CYP46A1: variants seen among roughly 807,000 people sequenced by gnomAD.
CYP46A1 encodes cholesterol 24-hydroxylase.
Under a neutral mutation model 63.3 loss-of-function variants are expected in CYP46A1, and 20 were observed. That is an observed-to-expected ratio of 0.32 (90% CI 0.22 to 0.46). CYP46A1 has a LOEUF of 0.46. CYP46A1 is among the 20% of genes least tolerant of loss of function. The probability of loss-of-function intolerance (pLI) is 1.00; values close to 1 mark genes in which losing one functional copy is unlikely to be tolerated. For synonymous variants in CYP46A1, 268 were observed against 273.6 expected (o/e 0.98, Z 0.20); for missense variants, 445 against 670.8 (o/e 0.66, Z 3.72).
intron 7 of CYP46A1, chr14:99,709,665 G>T (rs928056340): frequency 1.3e-5 from 2 of 152,182 alleles, no homozygotes; most frequent in Non-Finnish European, 2.9e-5. Context: ...AAAAGATATA[G>T]ACATCCAGGT....
chr14:99,696,131 A>G (rs145252550), intron 3 of CYP46A1, among the ~76,000 whole-genome samples: 333 of 152,272 alleles, frequency 2.2e-3, no homozygotes, highest in African/African-American at 7.8e-3. Context: ...AATTATTGAT[A>G]TGGCTGTGTT....
intron 7 of CYP46A1, among the ~76,000 whole-genome samples, chr14:99,715,473 C>T (rs1007715354): frequency 2.6e-5 from 4 of 152,114 alleles, no homozygotes; most frequent in Non-Finnish European, 5.9e-5. Context: ...GTTGATCGCA[C>T]TCTACTTCCC....
intron 6 of CYP46A1, 43 bp downstream of exon 6, chr14:99,706,828 G>T (rs767885957): frequency 6.3e-7 from 1 of 1,593,654 alleles, no homozygotes; most frequent in Non-Finnish European, 8.6e-7. Flanking sequence ...AGGGCCACAT[G>T]GGGTAGAGGG....
At chr14:99,721,916 T>C in intron 11 of CYP46A1, 40 bp from the exon 12 acceptor site, 2 of 1,550,350 alleles carry the variant, frequency 1.3e-6, no homozygotes, top group East Asian at 2.3e-5. Flanking sequence ...CTGTGGCCTC[T>C]CCCGACTCTC....
intron 1 of CYP46A1, among the ~76,000 whole-genome samples, chr14:99,685,014 G>C (rs2140108053): frequency 6.8e-6 from 1 of 148,116 alleles, no homozygotes; most frequent in East Asian, 2.0e-4. Flanking sequence ...CACCCCATTT[G>C]TCTTCTCCTT....
intron 5 of CYP46A1, among the ~76,000 whole-genome samples, chr14:99,701,359 C>G (rs2140120815): frequency 6.6e-6 from 1 of 152,334 alleles, no homozygotes; most frequent in Admixed American, 6.5e-5. Context: ...GTGCCCTATC[C>G]AGGTGGACCA....
intron 7 of CYP46A1, chr14:99,713,281 T>A (rs1595199055): frequency 6.9e-6 from 1 of 145,350 alleles, no homozygotes; most frequent in Admixed American, 6.8e-5. Flanking sequence ...ATACAAAAAA[T>A]TAGCTGGGTG....
intron 5 of CYP46A1, among the ~76,000 whole-genome samples, chr14:99,705,238 C>T (rs1405371185): frequency 6.6e-6 from 1 of 152,204 alleles, no homozygotes; most frequent in Non-Finnish European, 1.5e-5. Context: ...GACAGGGTCT[C>T]ACTCTTTCAC....
At chr14:99,703,989 G>C (rs953543271) in intron 5 of CYP46A1, among the ~76,000 whole-genome samples, 3 of 152,206 alleles carry the variant, frequency 2.0e-5, no homozygotes, top group Admixed American at 2.0e-4. Context: ...AGGAAGCTTT[G>C]AGGTTATGGG....
rs976921853 is a variant in CYP46A1, at chr14:99,684,305, G to T, written c.-113G>T. ...GCGGGCGGGGAGGGTGCTGGGTCGC[G>T]CCTGGCCTGGGGCCGAGGCGGCGCG... On this transcript the variant is annotated 5_prime_UTR_variant, in exon 1 of 15. Transcript: ENST00000261835. The T allele has an allele frequency of 4.1e-6, 2 of 487,528 alleles. No individual in the cohort carries two copies. The highest frequency in any genetic ancestry group is 6.0e-6 in the Non-Finnish European group (2 of 334,526). The allele number at this position is 487,528 out of a possible 1,614,324, so 30.2% of individuals were successfully genotyped here.
chr14:99,691,850 G>C lies in CYP46A1; in HGVS notation c.271G>C (p.Glu91Gln). Residue 91 changes from glutamate (E) to glutamine (Q), a missense_variant, in exon 3 of 15, where the codon GAG becomes CAG. This residue lies in a region of CYP46A1 where 252 missense variants were observed against 383.3 expected (regional missense o/e 0.66). Transcript: ENST00000261835. Reference sequence around the variant, plus strand: ...AACCTCAGTCATCGTCACGAGTCCTGAGTCGGTTAAGGTAGGAGGAAGAGT... The same window carrying C: ...AACCTCAGTCATCGTCACGAGTCCTCAGTCGGTTAAGGTAGGAGGAAGAGT... ...HKTSVIVTSP[E>Q]SVKKFLMSTK... 6.2e-7 allele frequency: 1 copy of C among 1,614,216 alleles called. No individual in the cohort carries two copies. The highest frequency in any genetic ancestry group is 8.5e-7 in the Non-Finnish European group (1 of 1,180,024).
chr14:99,706,391 G>A (rs1027251349), intron 5 of CYP46A1: 7 of 450,488 alleles, frequency 1.6e-5, no homozygotes, highest in African/African-American at 9.9e-5. Flanking sequence ...GACCAACAGA[G>A]TACCTGTGGA....
intron 7 of CYP46A1, chr14:99,713,471 A>G (rs1289609174): frequency 1.3e-5 from 2 of 152,136 alleles, no homozygotes; most frequent in African/African-American, 4.8e-5. Context: ...CTTAAACATA[A>G]GACCTGCAAC....
intron 7 of CYP46A1, among the ~76,000 whole-genome samples, chr14:99,713,919 A>G (rs1187848874): frequency 6.6e-6 from 1 of 151,650 alleles, no homozygotes; most frequent in African/African-American, 2.4e-5. Flanking sequence ...ATGTGACTAT[A>G]TTAAACTAAA....
rs201998529 is a variant in CYP46A1, at chr14:99,716,214, C to G, written c.907+15C>G. The G allele has an allele frequency of 8.1e-5, 130 of 1,613,894 alleles. 1 individual carries two copies. In the Middle Eastern group the frequency reaches 5.5e-3, roughly 68 times the overall value. On this transcript the variant is annotated intron_variant, in intron 9 of 14. Transcript: ENST00000261835. Reference sequence around the variant, plus strand: ...CTTCATTGCTGGTTTGTAGCTTTGGCGGTGGCCAAGGGCCCGGAGCTCTGC... The same window carrying G: ...CTTCATTGCTGGTTTGTAGCTTTGGGGGTGGCCAAGGGCCCGGAGCTCTGC...
chr14:99,722,644 C>CGTGTATGTGTGT lies in CYP46A1; in HGVS notation c.1176+582_1176+583insATGTGTGTGTGT, dbSNP rs142037302. The stretch of plus-strand genomic sequence containing the variant: ...ATCTGAATTGTGTGTTTGCCATTCC[C>CGTGTATGTGTGT]GTGTGTGTGTGTGTGTGTGTGTGTG... On this transcript the variant is annotated intron_variant, in intron 12 of 14. Coordinates refer to ENST00000261835, the MANE Select transcript of CYP46A1 (RefSeq NM_006668.2). The surrounding 1 kb of genome is among the most constrained non-coding windows in gnomAD (Gnocchi z 4.6). 8.4e-5 allele frequency among the ~76,000 whole-genome samples: 12 copies of CGTGTATGTGTGT among 142,262 alleles called. No individual in the cohort carries two copies. Among genetic ancestry groups the CGTGTATGTGTGT allele is most frequent in the African/African-American group, 3.1e-4 (12 of 39,242 alleles). The allele number at this position is 142,262 out of a possible 152,430, so 93.3% of individuals were successfully genotyped here.
At chr14:99,704,705 C>T (rs1030145639) in intron 5 of CYP46A1, among the ~76,000 whole-genome samples, 1 of 152,192 alleles carries the variant, frequency 6.6e-6, no homozygotes, top group African/African-American at 2.4e-5. Flanking sequence ...AAGACAACTA[C>T]AAATCATCTT....
intron 3 of CYP46A1, chr14:99,695,371 G>A (rs2056578478): frequency 1.3e-5 from 5 of 374,586 alleles, no homozygotes; most frequent in South Asian, 6.3e-5. Flanking sequence ...TGTTCTAGTG[G>A]TTGCAGGGCA....
chr14:99,689,557 C>T (rs537781301), intron 1 of CYP46A1, among the ~76,000 whole-genome samples: 7 of 152,232 alleles, frequency 4.6e-5, no homozygotes, highest in East Asian at 1.9e-4. Flanking sequence ...GGGGTGGGCA[C>T]GGTGGCTCTG....
Sources: gnomAD v4.1 joint callset for allele counts (sites outside exome capture counted in the v4.1 genomes callset) on GRCh38, gnomAD v4.1.1 for gene constraint, gnomAD v4.1.1 regional missense constraint, Gnocchi (gnomAD v3.1) non-coding constraint, MANE v1.5 for transcripts, NCBI Gene and HGNC (gene_info 2026-07-23, HGNC 2026-07-21) for gene names.